CYP7B1: variants seen among roughly 807,000 people sequenced by gnomAD.
The protein encoded by CYP7B1 is cytochrome P450 7B1.
CYP7B1 carries 29 observed loss-of-function variants against 42.7 expected under a neutral mutation model. The ratio of observed to expected loss-of-function variants is 0.68; its 90% confidence interval spans 0.51 to 0.93. CYP7B1 has a LOEUF of 0.93. Ranked by LOEUF, CYP7B1 falls within the 40% of genes least tolerant of loss-of-function variation. The probability of loss-of-function intolerance (pLI) is 0.00; values close to 1 mark genes in which losing one functional copy is unlikely to be tolerated. For synonymous variants in CYP7B1, 235 were observed against 218.2 expected (o/e 1.08, Z -0.68); for missense variants, 655 against 600.5 (o/e 1.09, Z -0.95).
intron 1 of CYP7B1, among the ~76,000 whole-genome samples, chr8:64,739,667 G>C (rs568708640): frequency 2.0e-5 from 3 of 152,086 alleles, no homozygotes; most frequent in Non-Finnish European, 4.4e-5. Flanking sequence ...TAATGCCTTC[G>C]AATTTTCCAA....
intron 1 of CYP7B1, among the ~76,000 whole-genome samples, chr8:64,641,749 C>T (rs1391807894): frequency 6.6e-6 from 1 of 152,068 alleles, no homozygotes; most frequent in Non-Finnish European, 1.5e-5. Flanking sequence ...GACTCTTTGG[C>T]TGATGAACTG....
chr8:64,777,706 T>TC (rs1014813195), intron 1 of CYP7B1, among the ~76,000 whole-genome samples: 4 of 152,080 alleles, frequency 2.6e-5, no homozygotes, highest in Non-Finnish European at 4.4e-5. Flanking sequence ...GGCCATGTTA[T>TC]CTATAACCCA....
chr8:64,733,818 T>C (rs1202983751), intron 1 of CYP7B1, among the ~76,000 whole-genome samples: 1 of 151,862 alleles, frequency 6.6e-6, no homozygotes, highest in African/African-American at 2.4e-5. Flanking sequence ...AATTTTTTTT[T>C]AGTTAGCCAG....
At chr8:64,760,981 A>C (rs891523532) in intron 1 of CYP7B1, among the ~76,000 whole-genome samples, 1 of 152,164 alleles carries the variant, frequency 6.6e-6, no homozygotes. Flanking sequence ...CAGATAAAGA[A>C]ATTACAATAG....
chr8:64,751,634 A>G (rs577802387), intron 1 of CYP7B1, among the ~76,000 whole-genome samples: 1 of 152,206 alleles, frequency 6.6e-6, no homozygotes, highest in Non-Finnish European at 1.5e-5. Context: ...GTCAAACGGC[A>G]TGCATGCATT....
intron 1 of CYP7B1, among the ~76,000 whole-genome samples, chr8:64,667,278 A>G (rs973936706): frequency 9.2e-5 from 14 of 151,982 alleles, no homozygotes; most frequent in African/African-American, 3.4e-4. Context: ...CCCCTAAGTA[A>G]TTTGAAATTT....
intron 5 of CYP7B1, among the ~76,000 whole-genome samples, chr8:64,598,845 T>A (rs922272819): frequency 1.3e-5 from 2 of 152,244 alleles, no homozygotes; most frequent in African/African-American, 4.8e-5. Context: ...CGGTTGTTTA[T>A]TTTATGAAAC....
intron 1 of CYP7B1, among the ~76,000 whole-genome samples, chr8:64,680,228 C>T (rs1806515650): frequency 6.6e-6 from 1 of 151,930 alleles, no homozygotes; most frequent in South Asian, 2.1e-4. Context: ...TCTTTCATCG[C>T]ACCTTCATTT....
intron 1 of CYP7B1, among the ~76,000 whole-genome samples, chr8:64,629,275 C>T (rs1160980183): frequency 1.3e-5 from 2 of 148,660 alleles, no homozygotes; most frequent in Non-Finnish European, 3.0e-5. Flanking sequence ...GCAATCTATA[C>T]TTATCAGAGT....
intron 5 of CYP7B1, among the ~76,000 whole-genome samples, chr8:64,597,383 A>T (rs1563537195): frequency 2.0e-5 from 3 of 152,200 alleles, no homozygotes; most frequent in Admixed American, 6.5e-5. Context: ...AGTTTCTCTT[A>T]TCCCTTCCCC....
chr8:64,712,887 A>G (rs1807102434), intron 1 of CYP7B1, among the ~76,000 whole-genome samples: 1 of 152,062 alleles, frequency 6.6e-6, no homozygotes, highest in African/African-American at 2.4e-5. Context: ...CTTTGGTTGA[A>G]TATCCATATA....
rs867979690 is a variant in CYP7B1 at position 64,604,048 on chromosome 8, C to T, written c.1233+634G>A. Among the ~76,000 whole-genome samples the T allele has an allele frequency of 6.6e-5, 10 of 152,198 alleles. No homozygotes were observed. In the South Asian group the frequency reaches 1.0e-3, roughly 16 times the overall value. ...CTCTGAAGCGGTATTAAGGGATGAA[C>T]CAGGGTGGATTAATTTCCAGTCTTT... On this transcript the variant is annotated intron_variant, in intron 5 of 5. Coordinates refer to ENST00000310193, the MANE Select transcript of CYP7B1 (RefSeq NM_004820.5).
intron 4 of CYP7B1, among the ~76,000 whole-genome samples, chr8:64,607,410 A>C (rs566486053): frequency 3.4e-4 from 52 of 152,204 alleles, no homozygotes; most frequent in South Asian, 6.2e-4. Flanking sequence ...AAAAAAAAAA[A>C]AAAAAACTTT....
At chr8:64,788,320 T>C (rs138632303) in intron 1 of CYP7B1, among the ~76,000 whole-genome samples, 27 of 152,310 alleles carry the variant, frequency 1.8e-4, no homozygotes, top group East Asian at 1.5e-3. Context: ...CCAGATACCA[T>C]TGTTTTTCAT....
chr8:64,701,687 G>T (rs1806918829), intron 1 of CYP7B1, among the ~76,000 whole-genome samples: 1 of 152,030 alleles, frequency 6.6e-6, no homozygotes, highest in South Asian at 2.1e-4. Context: ...GATAGGCAAG[G>T]AGAGAAGTTA....
intron 1 of CYP7B1, among the ~76,000 whole-genome samples, chr8:64,675,504 A>G: frequency 6.7e-6 from 1 of 149,650 alleles, no homozygotes. Context: ...GTATTTTGCT[A>G]TTATTATTAT....
In CYP7B1 at chr8:64,624,468, T is replaced by C. The variant is rs1402905270; in HGVS notation, c.194A>G (p.Asp65Gly). 1 of 1,612,600 alleles carries C rather than the reference T, an allele frequency of 6.2e-7. No individual in the cohort carries two copies. The highest frequency in any genetic ancestry group is 1.7e-5 in the Admixed American group (1 of 59,794). ...YLGVVLNLRK[D>G]PLRFMKTLQK... ...AAGTGTTTTCATGAACCTTAAGGGGTCTTTTCGTAAGTTCAGGACCACTCC... is the reference window on the plus strand; with the variant it reads ...AAGTGTTTTCATGAACCTTAAGGGGCCTTTTCGTAAGTTCAGGACCACTCC... The change falls in exon 2 of 6, where the codon GAC becomes GGC. Residue 65 changes from aspartate (D) to glycine (G), a missense_variant. Asp to Gly is a moderately conservative substitution (Grantham distance 94). Coordinates refer to ENST00000310193, the MANE Select transcript of CYP7B1 (RefSeq NM_004820.5).
chr8:64,745,884 T>C (rs1355562234), intron 1 of CYP7B1, among the ~76,000 whole-genome samples: 1 of 152,166 alleles, frequency 6.6e-6, no homozygotes, highest in Non-Finnish European at 1.5e-5. Context: ...TGGTTCATCA[T>C]CTAAAGCGTC....
At position 64,604,764 on chromosome 8, in the gene CYP7B1, T is replaced by A. The variant is rs1350527806; in HGVS notation, c.1151A>T (p.Asp384Val). The A allele has an allele frequency of 1.2e-6, 2 of 1,613,996 alleles. No individual in the cohort carries two copies. Among genetic ancestry groups the A allele is most frequent in the African/African-American group, 1.3e-5 (1 of 74,910 alleles). The change falls in exon 5 of 6, where the codon GAC (aspartate) becomes GTC (valine). Residue 384 changes from aspartate (D) to valine (V), a missense_variant. Coordinates refer to ENST00000310193, the MANE Select transcript of CYP7B1 (RefSeq NM_004820.5). ...EDLTLSSETG[D>V]YCVRKGDLVA... is the part of the protein sequence containing the mutation. ...CAAGTCTCCCTTTCGCACACAGTAG[T>A]CCCCGGTCTCTGAACTGAGAGTCAA...
Sources: allele counts gnomAD v4.1 joint callset (sites outside exome capture counted in the v4.1 genomes callset), GRCh38; gene constraint gnomAD v4.1.1; transcripts MANE v1.5; gene names NCBI Gene and HGNC (gene_info 2026-07-23, HGNC 2026-07-21).